Variants in SDCCAG8 observed in about 807,000 individuals in gnomAD.
The protein encoded by SDCCAG8 is serologically defined colon cancer antigen 8.
Under a neutral mutation model 101.8 loss-of-function variants are expected in SDCCAG8, and 74 were observed. That is an observed-to-expected ratio of 0.73 (90% confidence interval 0.60 to 0.88). The LOEUF (loss-of-function observed/expected upper bound fraction) is 0.88, where lower values mean the gene tolerates loss of function less well. Among genes scored for constraint, SDCCAG8 ranks in the 40% least tolerant of loss-of-function variants. SDCCAG8 has a pLI of 0.00. For missense variants in SDCCAG8, 787 were observed against 822.6 expected (o/e 0.96, Z 0.53); for synonymous variants, 281 against 292.9 (o/e 0.96, Z 0.41).
intron 13 of SDCCAG8, among the ~76,000 whole-genome samples, chr1:243,384,436 T>C (rs992509755): frequency 2.0e-5 from 3 of 152,256 alleles, no homozygotes; most frequent in Admixed American, 6.5e-5. Context: ...TACTATATTA[T>C]GATTTTGTAA....
At chr1:243,300,171 A>G (rs2071364886) in intron 6 of SDCCAG8, among the ~76,000 whole-genome samples, 1 of 152,100 alleles carries the variant, frequency 6.6e-6, no homozygotes. Flanking sequence ...CCATGAATTA[A>G]TTATTTTTAT....
chr1:243,312,720 A>T (rs1037629504), intron 8 of SDCCAG8, among the ~76,000 whole-genome samples: 10 of 151,808 alleles, frequency 6.6e-5, no homozygotes, highest in Non-Finnish European at 1.0e-4. Context: ...AAAAAAAAAA[A>T]AAAAATAATG....
chr1:243,351,639 A>T (rs1447411860), intron 12 of SDCCAG8, among the ~76,000 whole-genome samples: 1 of 152,250 alleles, frequency 6.6e-6, no homozygotes, highest in Non-Finnish European at 1.5e-5. Flanking sequence ...CTAACCAAGA[A>T]TTCTGAGAAA....
intron 16 of SDCCAG8, among the ~76,000 whole-genome samples, chr1:243,429,197 T>G (rs965103948): frequency 6.6e-6 from 1 of 152,230 alleles, no homozygotes; most frequent in Non-Finnish European, 1.5e-5. Flanking sequence ...ACAGACATTA[T>G]AAACTTATGG....
intron 16 of SDCCAG8, among the ~76,000 whole-genome samples, chr1:243,480,270 G>T (rs1295685854): frequency 6.7e-6 from 1 of 149,772 alleles, no homozygotes; most frequent in Non-Finnish European, 1.5e-5. Context: ...GACTTCAAGA[G>T]TGAAGGTCAT....
Position 243,405,766 on chromosome 1 carries a change from A to G in SDCCAG8, c.1617-9936A>G, listed in dbSNP as rs376046261. 3.3e-5 allele frequency among the ~76,000 whole-genome samples: 5 copies of G among 152,010 alleles called. No homozygotes were observed. The East Asian group carries it at 5.8e-4, about 18-fold the overall frequency. ...AACATTCTAGATAAATAATGCATGCATTACTCTGTCATACTTATGAGATAA... is the reference window on the plus strand; with the variant it reads ...AACATTCTAGATAAATAATGCATGCGTTACTCTGTCATACTTATGAGATAA... On this transcript the variant is annotated intron_variant, in intron 13 of 17. Coordinates refer to ENST00000366541, the MANE Select transcript of SDCCAG8 (RefSeq NM_006642.5).
chr1:243,483,886 G>A (rs6677682), intron 16 of SDCCAG8, among the ~76,000 whole-genome samples: 1 of 152,208 alleles, frequency 6.6e-6, no homozygotes, highest in Non-Finnish European at 1.5e-5. Flanking sequence ...TCTCAGCTAG[G>A]GGGGTCGTGC....
chr1:243,483,057 A>G (rs141218588), intron 16 of SDCCAG8, among the ~76,000 whole-genome samples: 2 of 152,294 alleles, frequency 1.3e-5, no homozygotes, highest in African/African-American at 4.8e-5. Context: ...GGCTAAAAAC[A>G]AGACACACAG....
intron 16 of SDCCAG8, among the ~76,000 whole-genome samples, chr1:243,485,860 C>G (rs1664683560): frequency 6.6e-6 from 1 of 150,414 alleles, no homozygotes; most frequent in African/African-American, 2.5e-5. Flanking sequence ...CCGCTGCACC[C>G]TAGCCTGGGC....
chr1:243,477,407 C>T (rs905658964), intron 16 of SDCCAG8, among the ~76,000 whole-genome samples: 5 of 152,212 alleles, frequency 3.3e-5, no homozygotes, highest in African/African-American at 9.6e-5. Context: ...ACTCTTACTT[C>T]AGGCAGATGG....
chr1:243,329,244 A>G (rs1558303385), intron 9 of SDCCAG8, among the ~76,000 whole-genome samples: 1 of 152,060 alleles, frequency 6.6e-6, no homozygotes, highest in Non-Finnish European at 1.5e-5. Flanking sequence ...CTTTTTACTC[A>G]TTGTATTTGT....
At chr1:243,385,254 G>C (rs918148900) in intron 13 of SDCCAG8, among the ~76,000 whole-genome samples, 2 of 152,046 alleles carry the variant, frequency 1.3e-5, no homozygotes, top group Non-Finnish European at 2.9e-5. Flanking sequence ...GCTGGGCATG[G>C]TGGTGCGCGC....
rs192938617 is a variant in SDCCAG8, at chr1:243,458,510, C to T, written c.1986-30504C>T. Among the ~76,000 whole-genome samples the T allele has an allele frequency of 6.6e-6, 1 of 152,268 alleles. No homozygotes were observed. Among genetic ancestry groups the T allele is most frequent in the Non-Finnish European group, 1.5e-5 (1 of 68,014 alleles). ...TACCAGCTCCTCTTCTAAGCACTTACCTTTTAAACCCACTGAATTTTCATA... is the reference window on the plus strand; with the variant it reads ...TACCAGCTCCTCTTCTAAGCACTTATCTTTTAAACCCACTGAATTTTCATA... On this transcript the variant is annotated intron_variant, in intron 16 of 17. Coordinates refer to ENST00000366541, the MANE Select transcript of SDCCAG8 (RefSeq NM_006642.5). This position sits in a 1 kb window ranked among gnomAD's most constrained non-coding sequence, Gnocchi z 4.5.
intron 10 of SDCCAG8, among the ~76,000 whole-genome samples, chr1:243,332,790 C>CGGTCTGGAGGTGATTATCGTAGTCCA (rs2074717578): frequency 7.2e-6 from 1 of 138,664 alleles, no homozygotes; most frequent in African/African-American, 2.7e-5. Context: ...ATCGTGGTCC[C>CGGTCTGGAGGTGATTATCGTAGTCCA]GGTCTGGAGG....
At chr1:243,496,925 C>T (rs963672780) in intron 17 of SDCCAG8, among the ~76,000 whole-genome samples, 11 of 152,202 alleles carry the variant, frequency 7.2e-5, no homozygotes, top group African/African-American at 1.7e-4. Context: ...GTGGACAGCA[C>T]GGCAGGGGAG....
At chr1:243,366,184 T>A (rs2147867125) in intron 12 of SDCCAG8, among the ~76,000 whole-genome samples, 1 of 152,192 alleles carries the variant, frequency 6.6e-6, no homozygotes, top group South Asian at 2.1e-4. Flanking sequence ...GTTATAACTT[T>A]ATGAATAGCA....
chr1:243,359,908 T>C (rs1011133783), intron 12 of SDCCAG8, among the ~76,000 whole-genome samples: 1 of 152,194 alleles, frequency 6.6e-6, no homozygotes, highest in African/African-American at 2.4e-5. Flanking sequence ...ATGATACTCA[T>C]ATTTTAGCAG....
intron 4 of SDCCAG8, among the ~76,000 whole-genome samples, chr1:243,277,020 A>G (rs2068629283): frequency 1.3e-5 from 2 of 152,194 alleles, no homozygotes; most frequent in Non-Finnish European, 2.9e-5. Context: ...AATTAGATGA[A>G]TATACCATAG....
chr1:243,338,883 G>A (rs1209891688), intron 10 of SDCCAG8: 1 of 152,552 alleles, frequency 6.6e-6, no homozygotes, highest in African/African-American at 2.4e-5. Flanking sequence ...TGTTACTTCT[G>A]GCTCTGCAAC....
Sources: allele counts gnomAD v4.1 joint callset (sites outside exome capture counted in the v4.1 genomes callset), GRCh38; gene constraint gnomAD v4.1.1; non-coding constraint Gnocchi (gnomAD v3.1); transcripts MANE v1.5; gene names NCBI Gene and HGNC (gene_info 2026-07-23, HGNC 2026-07-21).